The following DIAPH1 variants were observed in gnomAD, a reference collection of about 807,000 sequenced individuals.
DIAPH1 encodes the protein protein diaphanous homolog 1.
DIAPH1 carries 46 observed loss-of-function variants against 140.7 expected under a neutral mutation model. The ratio of observed to expected loss-of-function variants is 0.33; its 90% confidence interval spans 0.26 to 0.42. DIAPH1 has a LOEUF of 0.42. Among genes scored for constraint, DIAPH1 ranks in the 10% least tolerant of loss-of-function variants. The pLI is 1.00. For synonymous variants in DIAPH1, 565 were observed against 551.6 expected (o/e 1.02, Z -0.34); for missense variants, 1,310 against 1,558.7 (o/e 0.84, Z 2.69).
At position 141,534,375 on chromosome 5, in the gene DIAPH1, T is replaced by C. The variant is rs1301836372; in HGVS notation, c.2541A>G (p.Lys847=). The C allele has an allele frequency of 6.2e-7, 1 of 1,613,882 alleles. No individual in the cohort carries two copies. The highest frequency in any genetic ancestry group is 1.7e-5 in the Admixed American group (1 of 60,024). ...TCTTTGAATCCAACACCTTTAACTC[T>C]TTTACTTTTTTCTTTTGCACAGATT... ...EKKSVQKKKV[K]ELKVLDSKTA... is the part of the protein sequence containing the mutation. Residue 847 remains lysine, a synonymous_variant, in exon 19 of 28, where the codon AAA becomes AAG. Coordinates refer to ENST00000389054, the MANE Select transcript of DIAPH1 (RefSeq NM_005219.5).
intron 14 of DIAPH1, 126 bp from the exon 15 acceptor site, chr5:141,575,272 C>A: frequency 1.1e-6 from 1 of 898,450 alleles, no homozygotes. Flanking sequence ...CCACTGCCTC[C>A]TGTTCTGGGC....
chr5:141,557,569 T>G (rs933856054), intron 18 of DIAPH1, among the ~76,000 whole-genome samples: 13 of 152,168 alleles, frequency 8.5e-5, no homozygotes, highest in African/African-American at 3.1e-4. Context: ...TTTTTCTTCT[T>G]TTTTTGGGGG....
intron 1 of DIAPH1, among the ~76,000 whole-genome samples, chr5:141,590,750 A>T (rs934489256): frequency 6.6e-6 from 1 of 151,830 alleles, no homozygotes; most frequent in African/African-American, 2.4e-5. Flanking sequence ...TTAAAAAAAA[A>T]AAAAGGGTGG....
intron 18 of DIAPH1, among the ~76,000 whole-genome samples, chr5:141,554,649 A>G (rs985787347): frequency 8.5e-5 from 13 of 152,334 alleles, no homozygotes; most frequent in African/African-American, 3.1e-4. Flanking sequence ...CAGGCACAAA[A>G]TTCCTAATAG....
chr5:141,569,849 T>C (rs2099894894), intron 18 of DIAPH1, among the ~76,000 whole-genome samples: 1 of 152,164 alleles, frequency 6.6e-6, no homozygotes, highest in Admixed American at 6.5e-5. Context: ...TTTAAAGCAC[T>C]GAAGTAAAGT....
chr5:141,591,695 GATATATATATATATATATAT>G lies in DIAPH1; in HGVS notation c.118-3465_118-3446del, dbSNP rs56117502. ...TGGAAAAGGAAGGAAGGGAGATGGG[GATATATATATATATATATAT>G]ATATATATATATGAAGGAAGATGCC... On this transcript the variant is annotated intron_variant, in intron 1 of 27. Transcript: ENST00000389054. 2.4e-3 allele frequency among the ~76,000 whole-genome samples: 207 copies of G among 86,350 alleles called. 14 individuals are homozygous for G. The highest frequency in any genetic ancestry group is 7.3e-3 in the African/African-American group (127 of 17,478). The allele number at this position is 86,350 out of a possible 152,430, so 56.6% of individuals were successfully genotyped here. A position where few individuals can be genotyped will look rare whatever the true frequency, so the allele number is the denominator to read the frequency against.
At position 141,534,414 on chromosome 5, in the gene DIAPH1, A is replaced by T; in HGVS notation, c.2502T>A (p.Gly834=). The T allele has an allele frequency of 6.2e-7, 1 of 1,613,588 alleles. No individual in the cohort carries two copies. Among genetic ancestry groups the T allele is most frequent in the Non-Finnish European group, 8.5e-7 (1 of 1,179,936 alleles). ...KTSKAKKDQE[G]GEEKKSVQKK... ...TTTGCACAGATTTCTTTTCTTCTCC[A>T]CCTTCTTGATCCTTCTTGGCTAGCA... Residue 834 remains glycine, a synonymous_variant, in exon 19 of 28, where the codon GGT becomes GGA. Coordinates refer to ENST00000389054, the MANE Select transcript of DIAPH1 (RefSeq NM_005219.5).
chr5:141,527,750 T>C, intron 23 of DIAPH1, 53 bp from the exon 24 acceptor site: 2 of 1,510,404 alleles, frequency 1.3e-6, no homozygotes, highest in Non-Finnish European at 1.8e-6. Context: ...AAGAGCTTAC[T>C]AATAATCCCA....
intron 18 of DIAPH1, among the ~76,000 whole-genome samples, chr5:141,554,835 T>C (rs1179309012): frequency 6.6e-6 from 1 of 152,096 alleles, no homozygotes; most frequent in Non-Finnish European, 1.5e-5. Flanking sequence ...CCTGACCAAA[T>C]TTAATATCCA....
At chr5:141,613,003 A>G (rs1453670792) in intron 1 of DIAPH1, among the ~76,000 whole-genome samples, 1 of 152,176 alleles carries the variant, frequency 6.6e-6, no homozygotes, top group Non-Finnish European at 1.5e-5. Flanking sequence ...AGATGACACT[A>G]CTCACAAGAC....
At chr5:141,525,812 A>G (rs1181585418) in intron 26 of DIAPH1, among the ~76,000 whole-genome samples, 1 of 152,212 alleles carries the variant, frequency 6.6e-6, no homozygotes, top group African/African-American at 2.4e-5. Context: ...GAGAGAATGC[A>G]AGAGCGAGCA....
At chr5:141,563,341 C>T (rs1054984345) in intron 18 of DIAPH1, 3 of 152,120 alleles carry the variant, frequency 2.0e-5, no homozygotes, top group Admixed American at 6.5e-5. Context: ...TCTCATATGA[C>T]CTCCATAAGA....
rs929883320 is a variant in DIAPH1 at position 141,583,087 on chromosome 5, A to T, written c.620+119T>A. The T allele has an allele frequency of 1.8e-5, 16 of 888,926 alleles. No homozygotes were observed. In the African/African-American group the frequency reaches 2.5e-4, roughly 14 times the overall value. The allele number at this position is 888,926 out of a possible 1,614,324, so 55.1% of individuals were successfully genotyped here. On this transcript the variant is annotated intron_variant, in intron 6 of 27. Coordinates refer to ENST00000389054, the MANE Select transcript of DIAPH1 (RefSeq NM_005219.5). ...CACTATGATAAACCCCTTCTTGGCT[A>T]ACAGTACATTCCCCTAGCCCACAAC...
intron 23 of DIAPH1, 38 bp downstream of exon 23, chr5:141,528,415 A>C: frequency 1.2e-6 from 2 of 1,613,704 alleles, no homozygotes; most frequent in Non-Finnish European, 1.7e-6. Context: ...CCCCATGCAG[A>C]GACTTTTGGG....
At chr5:141,599,693 CAT>C (rs1316925304) in intron 1 of DIAPH1, among the ~76,000 whole-genome samples, 15 of 152,310 alleles carry the variant, frequency 9.8e-5, no homozygotes, top group African/African-American at 3.6e-4. Context: ...TCTTTTCTGA[CAT>C]CCACCCTTGC....
At chr5:141,527,216 G>C (rs1004525149) in intron 24 of DIAPH1, among the ~76,000 whole-genome samples, 1 of 152,030 alleles carries the variant, frequency 6.6e-6, no homozygotes, top group Admixed American at 6.6e-5. Context: ...TATGCAGCCT[G>C]GGCAACAAAG....
chr5:141,520,252 G>C (rs529026448), intron 27 of DIAPH1, among the ~76,000 whole-genome samples: 1 of 152,138 alleles, frequency 6.6e-6, no homozygotes, highest in Non-Finnish European at 1.5e-5. Context: ...ACAAAAGTAG[G>C]GGGGAGAATA....
At chr5:141,542,313 A>C (rs2099890109) in intron 18 of DIAPH1, among the ~76,000 whole-genome samples, 2 of 152,146 alleles carry the variant, frequency 1.3e-5, no homozygotes, top group South Asian at 4.2e-4. Context: ...CATGCCTGTA[A>C]TCCCAGCTAC....
intron 1 of DIAPH1, among the ~76,000 whole-genome samples, chr5:141,591,695 G>GATATACATATATATATATATATAT (rs2099898443): frequency 1.2e-5 from 1 of 86,326 alleles, no homozygotes; most frequent in African/African-American, 5.7e-5. Context: ...GGGAGATGGG[G>GATATACATATATATATATATATAT]ATATATATAT....
Sources: allele counts gnomAD v4.1 joint callset (sites outside exome capture counted in the v4.1 genomes callset), GRCh38; gene constraint gnomAD v4.1.1; transcripts MANE v1.5; gene names NCBI Gene and HGNC (gene_info 2026-07-23, HGNC 2026-07-21).